Variants in PRKN observed in about 807,000 individuals in gnomAD.
PRKN encodes the protein E3 ubiquitin-protein ligase parkin.
Under a neutral mutation model 59.5 loss-of-function variants are expected in PRKN, and 56 were observed. The observed-to-expected ratio is 0.94, with a 90% CI of 0.76 to 1.18. The LOEUF is 1.18. Among genes scored for constraint, PRKN ranks in the 50% most tolerant of loss-of-function variants. The pLI, the probability that PRKN is intolerant of heterozygous loss-of-function variation, is 0.00. For synonymous variants in PRKN, 250 were observed against 222.1 expected, an observed-to-expected ratio of 1.13 and a Z score of -1.12; for missense variants, 657 against 596.4, an observed-to-expected ratio of 1.10 and a Z score of -1.06.
At chr6:161,814,646 G>A (rs1310976485) in intron 6 of PRKN, among the ~76,000 whole-genome samples, 1 of 152,144 alleles carries the variant, frequency 6.6e-6, no homozygotes, top group Non-Finnish European at 1.5e-5. Flanking sequence ...GAGATTACAG[G>A]CATGTGCCAC....
intron 1 of PRKN, among the ~76,000 whole-genome samples, chr6:162,592,844 G>T (rs555612614): frequency 6.6e-6 from 1 of 151,230 alleles, no homozygotes; most frequent in Non-Finnish European, 1.5e-5. Context: ...AAAAAATAAT[G>T]TGTGGTGTAC....
chr6:161,794,161 G>A (rs544829058), intron 6 of PRKN, among the ~76,000 whole-genome samples: 1 of 152,098 alleles, frequency 6.6e-6, no homozygotes, highest in African/African-American at 2.4e-5. Flanking sequence ...CCCATTGATA[G>A]GTTAACTCAT....
chr6:161,978,974 C>T (rs980325143), intron 5 of PRKN, among the ~76,000 whole-genome samples: 2 of 151,998 alleles, frequency 1.3e-5, no homozygotes, highest in South Asian at 2.1e-4. Context: ...AGTCTCAGAG[C>T]GGCCCACCCC....
At chr6:161,632,730 A>T (rs994378044) in intron 7 of PRKN, among the ~76,000 whole-genome samples, 8 of 152,206 alleles carry the variant, frequency 5.3e-5, no homozygotes, top group African/African-American at 1.9e-4. Flanking sequence ...GAAACTTACA[A>T]TCATGGCAGA....
At chr6:162,660,901 A>C (rs754930647) in intron 1 of PRKN, among the ~76,000 whole-genome samples, 20 of 152,138 alleles carry the variant, frequency 1.3e-4, no homozygotes, top group Non-Finnish European at 2.4e-4. Context: ...TTTGATTTTC[A>C]AATTAAAGAG....
rs952618061 is a variant in PRKN at position 161,546,309 on chromosome 6, C to T, written c.1083+2545G>A. ...ATAAGGAAACCGAGAAAGATGAAAACCACAAGTAGTTTGTGAAGCCAGGGT... is the reference window on the plus strand; with the variant it reads ...ATAAGGAAACCGAGAAAGATGAAAATCACAAGTAGTTTGTGAAGCCAGGGT... On this transcript the variant is annotated intron_variant, in intron 9 of 11. Coordinates refer to ENST00000366898, the MANE Select transcript of PRKN (RefSeq NM_004562.3). This position sits in a 1 kb window ranked among gnomAD's most constrained non-coding sequence, Gnocchi z 4.4. Among the ~76,000 whole-genome samples, 1 of 152,082 alleles carries T rather than the reference C, an allele frequency of 6.6e-6. No individual in the cohort carries two copies. The highest frequency in any genetic ancestry group is 1.5e-5 in the Non-Finnish European group (1 of 68,018).
chr6:162,278,373 C>A (rs1780727169), intron 2 of PRKN, among the ~76,000 whole-genome samples: 1 of 152,108 alleles, frequency 6.6e-6, no homozygotes, highest in African/African-American at 2.4e-5. Flanking sequence ...GGATAAATAT[C>A]ATTATACATT....
At chr6:161,938,004 G>A (rs879794068) in intron 6 of PRKN, among the ~76,000 whole-genome samples, 1 of 152,038 alleles carries the variant, frequency 6.6e-6, no homozygotes, top group East Asian at 1.9e-4. Flanking sequence ...GTAAAAATCT[G>A]TCCTACTTTT....
chr6:161,747,397 C>CTT (rs3066567), intron 7 of PRKN, among the ~76,000 whole-genome samples: 24,496 of 145,942 alleles, frequency 0.17, 2,493 homozygotes, highest in East Asian at 0.56. Context: ...ATATGTTTCT[C>CTT]TTTTTTTTTT....
At chr6:162,653,344 GTCTGTGTGTGTGTC>G (rs1450379311) in intron 1 of PRKN, among the ~76,000 whole-genome samples, 4 of 152,054 alleles carry the variant, frequency 2.6e-5, no homozygotes, top group Admixed American at 2.0e-4. Flanking sequence ...TTGTGTGCGT[GTCTGTGTGTGTGTC>G]TCTGTGTGTA....
At chr6:161,469,456 C>A (rs916218529) in intron 9 of PRKN, among the ~76,000 whole-genome samples, 3 of 148,632 alleles carry the variant, frequency 2.0e-5, no homozygotes, top group Non-Finnish European at 4.5e-5. Context: ...ACTAATACAT[C>A]GCAACGGGAG....
intron 1 of PRKN, among the ~76,000 whole-genome samples, chr6:162,690,164 T>C (rs1407767249): frequency 6.6e-6 from 1 of 152,106 alleles, no homozygotes. Flanking sequence ...TGAATATCAG[T>C]AACGAGTAAC....
At chr6:162,284,659 C>G (rs1395267784) in intron 2 of PRKN, among the ~76,000 whole-genome samples, 1 of 152,120 alleles carries the variant, frequency 6.6e-6, no homozygotes, top group East Asian at 1.9e-4. Context: ...ATTTTCTTTT[C>G]AAAATGAACA....
At chr6:162,088,230 A>G (rs1779335694) in intron 4 of PRKN, among the ~76,000 whole-genome samples, 1 of 152,144 alleles carries the variant, frequency 6.6e-6, no homozygotes, top group Non-Finnish European at 1.5e-5. Flanking sequence ...ATGTCCCTGA[A>G]AGTTTCTGAA....
intron 7 of PRKN, among the ~76,000 whole-genome samples, chr6:161,672,651 C>G (rs917586032): frequency 6.6e-6 from 1 of 152,086 alleles, no homozygotes; most frequent in Non-Finnish European, 1.5e-5. Context: ...TGGCAGATGT[C>G]TGTAATCCCA....
chr6:161,464,778 C>A (rs191282846), intron 9 of PRKN, among the ~76,000 whole-genome samples: 9 of 152,190 alleles, frequency 5.9e-5, no homozygotes, highest in Non-Finnish European at 1.2e-4. Flanking sequence ...GACATACAGG[C>A]CCCTAAGGTC....
intron 1 of PRKN, among the ~76,000 whole-genome samples, chr6:162,499,183 C>T (rs1481047518): frequency 2.0e-5 from 3 of 152,108 alleles, no homozygotes; most frequent in African/African-American, 7.2e-5. Flanking sequence ...TTTATTGTTA[C>T]TGTCTTGTTT....
intron 7 of PRKN, among the ~76,000 whole-genome samples, chr6:161,761,747 CTA>C (rs1483202258): frequency 6.6e-6 from 1 of 152,200 alleles, no homozygotes; most frequent in Non-Finnish European, 1.5e-5. Flanking sequence ...CTTAGGAATT[CTA>C]TCAAGTACAC....
At chr6:162,525,945 C>A (rs537727418) in intron 1 of PRKN, among the ~76,000 whole-genome samples, 2 of 152,184 alleles carry the variant, frequency 1.3e-5, no homozygotes, top group Admixed American at 1.3e-4. Flanking sequence ...CCCCGACCTC[C>A]CAGGCTCAGG....
Sources: gnomAD v4.1 joint callset for allele counts (sites outside exome capture counted in the v4.1 genomes callset) on GRCh38, gnomAD v4.1.1 for gene constraint, Gnocchi (gnomAD v3.1) non-coding constraint, MANE v1.5 for transcripts, NCBI Gene and HGNC (gene_info 2026-07-23, HGNC 2026-07-21) for gene names.